The following FER variants were observed in gnomAD, a reference collection of about 807,000 sequenced individuals.
FER encodes the protein tyrosine-protein kinase Fer.
FER carries 63 observed loss-of-function variants against 111.0 expected under a neutral mutation model. The observed-to-expected ratio is 0.57, with a 90% CI of 0.46 to 0.70. FER has a LOEUF of 0.70. Among genes scored for constraint, FER ranks in the 30% least tolerant of loss-of-function variants. The probability of loss-of-function intolerance (pLI) is 0.00; values close to 1 mark genes in which losing one functional copy is unlikely to be tolerated. For missense variants in FER, 914 were observed against 954.0 expected (o/e 0.96, Z 0.55); for synonymous variants, 327 against 313.9 (o/e 1.04, Z -0.44).
intron 17 of FER, among the ~76,000 whole-genome samples, chr5:109,126,608 T>G (rs528729299): frequency 6.6e-6 from 1 of 152,348 alleles, no homozygotes; most frequent in Non-Finnish European, 1.5e-5. Context: ...GAACTTACAG[T>G]GAATAGAGAC....
Position 109,193,801 on chromosome 5 carries a change from A to C in FER, c.*6226A>C, listed in dbSNP as rs577545868. On this transcript the variant is annotated 3_prime_UTR_variant, in exon 20 of 20. Coordinates refer to ENST00000281092, the MANE Select transcript of FER (RefSeq NM_005246.4). ...AATAATGTTGTAATTGGTTTCAATC[A>C]AAGTTTCTCCTCAGGTACTTGGGGG... 19 of 152,278 alleles carry C rather than the reference A, an allele frequency of 1.2e-4. No homozygotes were observed. The highest frequency in any genetic ancestry group is 4.1e-4 in the African/African-American group (17 of 41,560). The allele number at this position is 152,278 out of a possible 1,614,324, so 9.4% of individuals were successfully genotyped here. A position where few individuals can be genotyped will look rare whatever the true frequency, so the allele number is the denominator to read the frequency against.
intron 17 of FER, among the ~76,000 whole-genome samples, chr5:109,132,481 G>C (rs1277328764): frequency 6.6e-6 from 1 of 152,116 alleles, no homozygotes; most frequent in Admixed American, 6.6e-5. Flanking sequence ...AACCCCAGCA[G>C]GTTCTGCTGT....
At chr5:108,983,609 C>T (rs1373164569) in intron 13 of FER, among the ~76,000 whole-genome samples, 1 of 152,034 alleles carries the variant, frequency 6.6e-6, no homozygotes, top group Non-Finnish European at 1.5e-5. Flanking sequence ...AGTAGTATTT[C>T]TAAGCCATAT....
intron 13 of FER, among the ~76,000 whole-genome samples, chr5:108,999,697 C>G (rs1036230232): frequency 8.8e-6 from 1 of 113,454 alleles, no homozygotes; most frequent in African/African-American, 2.9e-5. Context: ...ACACCTTTAC[C>G]ATTCTTACTA....
intron 16 of FER, among the ~76,000 whole-genome samples, chr5:109,048,428 C>T (rs998908525): frequency 1.3e-5 from 2 of 151,990 alleles, no homozygotes; most frequent in Non-Finnish European, 2.9e-5. Context: ...TAATAAGGAA[C>T]GCCACTGAAA....
chr5:109,002,834 C>A (rs946925101), intron 13 of FER, among the ~76,000 whole-genome samples: 1 of 152,144 alleles, frequency 6.6e-6, no homozygotes, highest in East Asian at 1.9e-4. Flanking sequence ...CAAAAGAAGA[C>A]ATTTTTGTAT....
chr5:108,853,938 C>A (rs1181035759), intron 5 of FER, among the ~76,000 whole-genome samples: 4 of 152,162 alleles, frequency 2.6e-5, no homozygotes, highest in Non-Finnish European at 5.9e-5. Context: ...ACAGTTACTT[C>A]CAGGCTATTG....
chr5:109,041,217 GA>G (rs1771136343), intron 14 of FER, among the ~76,000 whole-genome samples: 1 of 152,148 alleles, frequency 6.6e-6, no homozygotes, highest in Non-Finnish European at 1.5e-5. Context: ...TATAGGTGCA[GA>G]ATAGGCAGAG....
chr5:109,035,576 C>G (rs564572471), intron 13 of FER, among the ~76,000 whole-genome samples: 1 of 152,046 alleles, frequency 6.6e-6, no homozygotes, highest in Non-Finnish European at 1.5e-5. Flanking sequence ...TTGGCTATTA[C>G]AAATAGAGCT....
intron 11 of FER, among the ~76,000 whole-genome samples, chr5:108,952,366 C>A (rs377563684): frequency 1.4e-5 from 2 of 138,426 alleles, no homozygotes; most frequent in Non-Finnish European, 1.7e-5. Flanking sequence ...TTTGGGATTT[C>A]ATTGAAATCA....
intron 3 of FER, among the ~76,000 whole-genome samples, chr5:108,822,660 T>G (rs1006833533): frequency 6.6e-6 from 1 of 152,088 alleles, no homozygotes; most frequent in African/African-American, 2.4e-5. Context: ...ACACCTTCCA[T>G]TAGGCCCTAC....
At chr5:108,970,292 T>C (rs1760464177) in intron 13 of FER, among the ~76,000 whole-genome samples, 1 of 151,914 alleles carries the variant, frequency 6.6e-6, no homozygotes, top group Admixed American at 6.5e-5. Context: ...CTTGGCTCAC[T>C]GCAAGCTCTG....
Position 108,915,302 on chromosome 5 carries a change from G to A in FER, c.1236+17454G>A, listed in dbSNP as rs371098934. Among the ~76,000 whole-genome samples the A allele has an allele frequency of 1.9e-3, 290 of 152,030 alleles. 3 individuals carry two copies. Among genetic ancestry groups the A allele is most frequent in the African/African-American group, 6.8e-3 (281 of 41,474 alleles). On this transcript the variant is annotated intron_variant, in intron 10 of 19. Coordinates refer to ENST00000281092, the MANE Select transcript of FER (RefSeq NM_005246.4). ...AGCCTGGCCAATGTGGTGAAATCCC[G>A]TCTCTACTAAAAATACAAAAATTAG... is the stretch of plus-strand genomic sequence containing the variant.
Position 109,175,035 on chromosome 5 carries a change from G to A in FER, c.2049-5712G>A, listed in dbSNP as rs577278351. ...CTGAGTGACTTAACGTATAAAAAGT[G>A]CTTCAAATAGTACCCAGCATATAGT... On this transcript the variant is annotated intron_variant, in intron 17 of 19. Transcript: ENST00000281092. Among the ~76,000 whole-genome samples the A allele has an allele frequency of 3.8e-3, 575 of 152,242 alleles. 4 individuals are homozygous for A. Among genetic ancestry groups the A allele is most frequent in the African/African-American group, 0.013 (547 of 41,540 alleles).
At chr5:108,792,637 C>T (rs1580559222) in intron 2 of FER, among the ~76,000 whole-genome samples, 2 of 151,704 alleles carry the variant, frequency 1.3e-5, no homozygotes, top group East Asian at 3.9e-4. Context: ...GCACCTGGCC[C>T]TAAAATTACT....
rs1581773585 is a variant in FER, at chr5:109,044,043, A to G, written c.1714-637A>G. On this transcript the variant is annotated intron_variant, in intron 14 of 19. Coordinates refer to ENST00000281092, the MANE Select transcript of FER (RefSeq NM_005246.4). ...AAAAATACATATGCAGTGTAAAAAA[A>G]CCTAAGAGAATACTCAAGAATAGCT... 1.3e-5 allele frequency among the ~76,000 whole-genome samples: 2 copies of G among 152,156 alleles called. 1 individual carries two copies. Among genetic ancestry groups the G allele is most frequent in the South Asian group, 4.1e-4 (2 of 4,822 alleles).
intron 11 of FER, among the ~76,000 whole-genome samples, chr5:108,952,520 G>T (rs1249343882): frequency 6.7e-6 from 1 of 149,196 alleles, no homozygotes; most frequent in East Asian, 2.0e-4. Context: ...AGTAAGTTCA[G>T]CTTATATTTC....
At chr5:108,892,935 C>T (rs1274126856) in intron 9 of FER, among the ~76,000 whole-genome samples, 1 of 152,170 alleles carries the variant, frequency 6.6e-6, no homozygotes, top group African/African-American at 2.4e-5. Context: ...ATCCTTTCCC[C>T]AGTGCTTGTT....
chr5:109,167,972 C>T (rs1284442250), intron 17 of FER, among the ~76,000 whole-genome samples: 1 of 152,070 alleles, frequency 6.6e-6, no homozygotes, highest in Non-Finnish European at 1.5e-5. Flanking sequence ...TTAAAAGAGG[C>T]TCAGAGCAAG....
Sources: gnomAD v4.1 joint callset for allele counts (sites outside exome capture counted in the v4.1 genomes callset) on GRCh38, gnomAD v4.1.1 for gene constraint, MANE v1.5 for transcripts, NCBI Gene and HGNC (gene_info 2026-07-23, HGNC 2026-07-21) for gene names.